CDKAL1: variants seen among roughly 807,000 people sequenced by gnomAD.
The protein encoded by CDKAL1 is threonylcarbamoyladenosine tRNA methylthiotransferase.
In CDKAL1, 32 loss-of-function variants were observed where a neutral mutation model predicts 68.2. The observed-to-expected ratio is 0.47, with a 90% CI of 0.35 to 0.63. The LOEUF (loss-of-function observed/expected upper bound fraction) is 0.63, where lower values mean the gene tolerates loss of function less well. CDKAL1 is among the 30% of genes least tolerant of loss of function. CDKAL1 has a pLI of 0.00. For missense variants in CDKAL1, 606 were observed against 696.7 expected, an observed-to-expected ratio of 0.87 and a Z score of 1.47; for synonymous variants, 234 against 244.3, an observed-to-expected ratio of 0.96 and a Z score of 0.39.
intron 12 of CDKAL1, among the ~76,000 whole-genome samples, chr6:21,097,615 T>C (rs997036253): frequency 6.6e-6 from 1 of 152,264 alleles, no homozygotes; most frequent in Non-Finnish European, 1.5e-5. Context: ...TTAACCGTGC[T>C]ATATAGCTGT....
At chr6:20,866,782 G>A (rs1759930880) in intron 9 of CDKAL1, among the ~76,000 whole-genome samples, 2 of 152,170 alleles carry the variant, frequency 1.3e-5, no homozygotes, top group Admixed American at 6.5e-5. Flanking sequence ...CATCAGGACG[G>A]TTTTGCTAGG....
chr6:20,624,272 C>T (rs1767326340), intron 4 of CDKAL1, among the ~76,000 whole-genome samples: 1 of 151,888 alleles, frequency 6.6e-6, no homozygotes, highest in Non-Finnish European at 1.5e-5. Flanking sequence ...TTGAGAAATA[C>T]TATTTAGAAC....
intron 6 of CDKAL1, among the ~76,000 whole-genome samples, chr6:20,754,100 C>T (rs1335198738): frequency 6.6e-6 from 1 of 152,074 alleles, no homozygotes; most frequent in Non-Finnish European, 1.5e-5. Context: ...CCCCCTTAGC[C>T]TCTCAAGTAT....
At chr6:20,764,848 T>G (rs971527777) in intron 7 of CDKAL1, among the ~76,000 whole-genome samples, 1 of 152,184 alleles carries the variant, frequency 6.6e-6, no homozygotes, top group African/African-American at 2.4e-5. Flanking sequence ...AAAGAACACT[T>G]GTATGCATCC....
chr6:20,760,377 C>T (rs532537628), intron 7 of CDKAL1, among the ~76,000 whole-genome samples: 6 of 152,128 alleles, frequency 3.9e-5, no homozygotes, highest in Non-Finnish European at 8.8e-5. Flanking sequence ...ACTTCAACTC[C>T]GTCCTGGAGA....
intron 9 of CDKAL1, among the ~76,000 whole-genome samples, chr6:20,910,998 G>A (rs1198743208): frequency 1.3e-5 from 2 of 152,196 alleles, no homozygotes; most frequent in African/African-American, 4.8e-5. Context: ...CCGTGGGCTT[G>A]CACCTCTAGC....
chr6:21,017,495 T>C (rs1394384954), intron 11 of CDKAL1, among the ~76,000 whole-genome samples: 1 of 152,200 alleles, frequency 6.6e-6, no homozygotes, highest in Non-Finnish European at 1.5e-5. Context: ...ATTGTAGCAG[T>C]ATTTGGGGAA....
intron 4 of CDKAL1, among the ~76,000 whole-genome samples, chr6:20,622,000 G>A (rs1433758347): frequency 6.6e-6 from 1 of 151,998 alleles, no homozygotes; most frequent in Non-Finnish European, 1.5e-5. Context: ...CTAATCTTTA[G>A]ATATAATACA....
intron 6 of CDKAL1, among the ~76,000 whole-genome samples, chr6:20,753,875 G>T (rs561999792): frequency 1.3e-5 from 2 of 151,962 alleles, no homozygotes; most frequent in South Asian, 2.1e-4. Context: ...CCAAAGTGCT[G>T]CATCATTTTA....
chr6:20,745,998 C>T (rs1773649650), intron 6 of CDKAL1, among the ~76,000 whole-genome samples: 1 of 151,962 alleles, frequency 6.6e-6, no homozygotes, highest in South Asian at 2.1e-4. Context: ...TTCTGATGTC[C>T]CAAACACTGT....
At chr6:21,130,319 G>C (rs1346507530) in intron 13 of CDKAL1, among the ~76,000 whole-genome samples, 1 of 150,722 alleles carries the variant, frequency 6.6e-6, no homozygotes, top group Non-Finnish European at 1.5e-5. Flanking sequence ...CTGCCTCCTG[G>C]ATTCGAGCGA....
chr6:20,641,830 GCGTGCGTGTGTGTA>G (rs72334115), intron 4 of CDKAL1, among the ~76,000 whole-genome samples: 58,627 of 151,996 alleles, frequency 0.39, 11,898 homozygotes, highest in Admixed American at 0.47. Context: ...TTGTGTGTGT[GCGTGCGTGTGTGTA>G]CACATGTGTA....
chr6:20,896,466 G>A (rs1306901190), intron 9 of CDKAL1, among the ~76,000 whole-genome samples: 1 of 152,034 alleles, frequency 6.6e-6, no homozygotes, highest in African/African-American at 2.4e-5. Flanking sequence ...AAGAAATCTT[G>A]ACCAAAACAA....
chr6:20,629,878 A>G (rs1767596782), intron 4 of CDKAL1, among the ~76,000 whole-genome samples: 1 of 151,842 alleles, frequency 6.6e-6, no homozygotes, highest in South Asian at 2.1e-4. Flanking sequence ...TTTTTGAGAT[A>G]GAGTCTTGCC....
chr6:21,067,975 A>G (rs1489025674), intron 12 of CDKAL1, among the ~76,000 whole-genome samples: 1 of 151,996 alleles, frequency 6.6e-6, no homozygotes, highest in African/African-American at 2.4e-5. Flanking sequence ...TGTCTTTTAT[A>G]TGTTTATTAG....
intron 9 of CDKAL1, among the ~76,000 whole-genome samples, chr6:20,853,157 A>T (rs1759109614): frequency 6.6e-6 from 1 of 152,152 alleles, no homozygotes; most frequent in Non-Finnish European, 1.5e-5. Flanking sequence ...CTCGGCAGGC[A>T]GATCACTTGA....
intron 12 of CDKAL1, among the ~76,000 whole-genome samples, chr6:21,095,574 C>A (rs1018788031): frequency 1.3e-5 from 2 of 151,132 alleles, no homozygotes; most frequent in African/African-American, 4.9e-5. Flanking sequence ...TCCCCCCAAC[C>A]CCCCTCCTAC....
chr6:21,035,542 T>C (rs1214761183), intron 11 of CDKAL1, among the ~76,000 whole-genome samples: 1 of 152,164 alleles, frequency 6.6e-6, no homozygotes, highest in Non-Finnish European at 1.5e-5. Context: ...TATGTGTGTT[T>C]ATCAAGAAAG....
intron 8 of CDKAL1, among the ~76,000 whole-genome samples, chr6:20,835,584 G>T (rs1777905075): frequency 6.6e-6 from 1 of 151,422 alleles, no homozygotes; most frequent in Admixed American, 6.6e-5. Context: ...TTTCATTCTT[G>T]TCAGCCAGGC....
Sources: allele counts gnomAD v4.1 joint callset (sites outside exome capture counted in the v4.1 genomes callset), GRCh38; gene constraint gnomAD v4.1.1; transcripts MANE v1.5; gene names NCBI Gene and HGNC (gene_info 2026-07-23, HGNC 2026-07-21).